The following PNPT1 variants were observed in gnomAD, a reference collection of about 807,000 sequenced individuals.
PNPT1 encodes the protein polyribonucleotide nucleotidyltransferase 1, also known as polyribonucleotide nucleotidyltransferase 1, mitochondrial.
In PNPT1, 53 loss-of-function variants were observed where a neutral mutation model predicts 119.5. The ratio of observed to expected loss-of-function variants is 0.44; its 90% confidence interval spans 0.36 to 0.56. The LOEUF (loss-of-function observed/expected upper bound fraction) is 0.56. PNPT1 is among the 20% of genes least tolerant of loss of function. The pLI, the probability that PNPT1 is intolerant of heterozygous loss-of-function variation, is 0.00. For synonymous variants in PNPT1, 357 were observed against 322.1 expected (o/e 1.11, Z -1.16); for missense variants, 948 against 938.5 (o/e 1.01, Z -0.13).
intron 5 of PNPT1, 83 bp downstream of exon 5, chr2:55,683,702 T>C (rs1312588093): frequency 5.5e-6 from 7 of 1,266,524 alleles, no homozygotes; most frequent in East Asian, 4.7e-5. Flanking sequence ...TTCTTTATAA[T>C]GTTTACTCTA....
At chr2:55,651,645 C>T (rs1000574938) in intron 18 of PNPT1, among the ~76,000 whole-genome samples, 46 of 150,422 alleles carry the variant, frequency 3.1e-4, no homozygotes, top group Admixed American at 9.9e-4. Context: ...TGCGGAAGGC[C>T]GCAGGGTCCT....
At chr2:55,677,884 G>A (rs148404601) in intron 8 of PNPT1, among the ~76,000 whole-genome samples, 3 of 151,868 alleles carry the variant, frequency 2.0e-5, no homozygotes, top group East Asian at 2.0e-4. Context: ...GACTACAGGC[G>A]CCCGCCAACA....
At chr2:55,661,874 T>A (rs1696586835) in intron 14 of PNPT1, 82 bp downstream of exon 14, 1 of 1,252,340 alleles carries the variant, frequency 8.0e-7, no homozygotes, top group African/African-American at 1.6e-5. Flanking sequence ...AAAGTAACAA[T>A]AATTAATAAT....
At position 55,635,243 on chromosome 2, in the gene PNPT1, A is replaced by C. The variant is rs576402733; in HGVS notation, c.*994T>G. On this transcript the variant is annotated 3_prime_UTR_variant, in exon 28 of 28. Transcript: ENST00000447944. Reference sequence around the variant, plus strand: ...CGAAAGTCATGATCCTTCAGCTCTTATACTAAGAACTTCCATACATTAGAG... The same window carrying C: ...CGAAAGTCATGATCCTTCAGCTCTTCTACTAAGAACTTCCATACATTAGAG... 4 of 152,300 alleles carry C rather than the reference A, an allele frequency of 2.6e-5. No individual in the cohort carries two copies. The East Asian group carries it at 7.7e-4, about 29-fold the overall frequency. 9.4% of individuals were successfully genotyped at this position (152,300 alleles called of 1,614,324 possible). A position where few individuals can be genotyped will look rare whatever the true frequency, so the allele number is the denominator to read the frequency against.
intron 1 of PNPT1, among the ~76,000 whole-genome samples, chr2:55,688,191 C>T (rs1279760961): frequency 6.6e-6 from 1 of 151,990 alleles, no homozygotes; most frequent in East Asian, 1.9e-4. Flanking sequence ...TACATGTGCA[C>T]ACCACTACAC....
At chr2:55,647,747 T>C (rs1471702808) in intron 18 of PNPT1, among the ~76,000 whole-genome samples, 1 of 152,090 alleles carries the variant, frequency 6.6e-6, no homozygotes, top group Admixed American at 6.6e-5. Context: ...GGTCTTGAAC[T>C]CCTGACCTCA....
At chr2:55,661,559 T>C (rs750021882) in intron 14 of PNPT1, among the ~76,000 whole-genome samples, 1 of 152,182 alleles carries the variant, frequency 6.6e-6, no homozygotes, top group Admixed American at 6.5e-5. Context: ...CGACAAGGCT[T>C]TTCATTAACG....
intron 26 of PNPT1, 131 bp from the exon 27 acceptor site, chr2:55,637,730 C>A (rs1233593472): frequency 1.4e-6 from 1 of 723,768 alleles, no homozygotes; most frequent in Non-Finnish European, 2.3e-6. Flanking sequence ...GGCGCAGTGG[C>A]TCAAGCCTGT....
chr2:55,670,707 G>A (rs1246498389), intron 11 of PNPT1, among the ~76,000 whole-genome samples: 1 of 152,082 alleles, frequency 6.6e-6, no homozygotes, highest in Non-Finnish European at 1.5e-5. Flanking sequence ...AAGAACTCAA[G>A]AATTTTAAAG....
At chr2:55,672,252 T>A (rs1397580028) in intron 9 of PNPT1, among the ~76,000 whole-genome samples, 1 of 152,210 alleles carries the variant, frequency 6.6e-6, no homozygotes, top group Non-Finnish European at 1.5e-5. Context: ...TCTCCCACCC[T>A]CCCAGGGGAA....
At chr2:55,693,554 A>C (rs1697690271) in intron 1 of PNPT1, 109 bp downstream of exon 1, 12 of 1,460,636 alleles carry the variant, frequency 8.2e-6, no homozygotes, top group Non-Finnish European at 1.1e-5. Flanking sequence ...GGGTAAGGAG[A>C]GATTAAATAG....
Position 55,634,902 on chromosome 2 carries a change from A to G in PNPT1, c.*1335T>C, listed in dbSNP as rs910907297. 3 of 151,344 alleles carry G rather than the reference A, an allele frequency of 2.0e-5. No individual in the cohort carries two copies. The highest frequency in any genetic ancestry group is 7.3e-5 in the African/African-American group (3 of 41,132). The allele number at this position is 151,344 out of a possible 1,614,324, so 9.4% of individuals were successfully genotyped here. A position where few individuals can be genotyped will look rare whatever the true frequency, so the allele number is the denominator to read the frequency against. On this transcript the variant is annotated 3_prime_UTR_variant, in exon 28 of 28. Coordinates refer to ENST00000447944, the MANE Select transcript of PNPT1 (RefSeq NM_033109.5). ...AGATTTAAAATTTTTTTTAGAGATA[A>G]GAGTCCTGCTATGTTGCCCAGGCTG...
At chr2:55,636,439 T>G (rs1360132995) in intron 27 of PNPT1, 47 bp from the exon 28 acceptor site, 8 of 1,585,744 alleles carry the variant, frequency 5.0e-6, no homozygotes, top group Non-Finnish European at 6.9e-6. Flanking sequence ...GCACATTGAG[T>G]GACATCTAAA....
intron 18 of PNPT1, among the ~76,000 whole-genome samples, chr2:55,650,885 G>C (rs1471578825): frequency 3.3e-5 from 5 of 150,946 alleles, no homozygotes; most frequent in African/African-American, 1.2e-4. Flanking sequence ...CACCTCGTCC[G>C]GCAGGGAGGT....
chr2:55,690,688 A>C (rs1005931381), intron 1 of PNPT1, among the ~76,000 whole-genome samples: 12 of 152,182 alleles, frequency 7.9e-5, no homozygotes, highest in Admixed American at 4.6e-4. Context: ...CTTGACTCTG[A>C]AATATTAGTT....
intron 26 of PNPT1, among the ~76,000 whole-genome samples, chr2:55,638,720 T>C (rs1490804436): frequency 2.0e-5 from 3 of 152,172 alleles, no homozygotes; most frequent in Non-Finnish European, 4.4e-5. Flanking sequence ...CTACTTAGTG[T>C]ATGTGTACGG....
At chr2:55,688,638 C>G (rs919931694) in intron 1 of PNPT1, among the ~76,000 whole-genome samples, 1 of 151,942 alleles carries the variant, frequency 6.6e-6, no homozygotes, top group Non-Finnish European at 1.5e-5. Context: ...GGCAAGAGAA[C>G]TGCTTGAACC....
chr2:55,650,829 A>G (rs866879161), intron 18 of PNPT1, among the ~76,000 whole-genome samples: 6 of 134,502 alleles, frequency 4.5e-5, no homozygotes, highest in Middle Eastern at 5.3e-3. Flanking sequence ...CCCTCCGCCC[A>G]GCAGCCACCC....
At position 55,640,663 on chromosome 2, in the gene PNPT1, C is replaced by CGCA; in HGVS notation, c.2109_2111dup (p.Ala704dup). 1 of 1,593,204 alleles carries CGCA rather than the reference C, an allele frequency of 6.3e-7. No homozygotes were observed. Among genetic ancestry groups the CGCA allele is most frequent in the Non-Finnish European group, 8.6e-7 (1 of 1,162,324 alleles). On this transcript the variant is annotated inframe_insertion, in exon 26 of 28. Coordinates refer to ENST00000447944, the MANE Select transcript of PNPT1 (RefSeq NM_033109.5). The stretch of plus-strand genomic sequence containing the variant: ...CAAGTTGTGTGTTATGAAGCAGTAC[C>CGCA]GCAGTCATATTTGGATATAATTTTA...
Sources: gnomAD v4.1 joint callset for allele counts (sites outside exome capture counted in the v4.1 genomes callset) on GRCh38, gnomAD v4.1.1 for gene constraint, MANE v1.5 for transcripts, NCBI Gene and HGNC (gene_info 2026-07-23, HGNC 2026-07-21) for gene names.